POU3F3: variants seen among roughly 807,000 people sequenced by gnomAD.
The protein encoded by POU3F3 is POU class 3 homeobox 3, also known as POU domain, class 3, transcription factor 3.
POU3F3 carries 1 observed loss-of-function variant against 8.6 expected under a neutral mutation model. The observed-to-expected ratio is 0.12, with a 90% CI of 0.04 to 0.55. The LOEUF is 0.55. POU3F3 is among the 20% of genes least tolerant of loss of function. The pLI is 0.91. For synonymous variants in POU3F3, 418 were observed against 327.4 expected (o/e 1.28, Z -2.99); for missense variants, 577 against 690.7 (o/e 0.84, Z 1.84).
the POU3F3 span, among the ~76,000 whole-genome samples, chr2:104,886,944 A>G: frequency 6.6e-6 from 1 of 152,170 alleles, no homozygotes; most frequent in Non-Finnish European, 1.5e-5. Flanking sequence ...AAATTTTAAA[A>G]AAAGAAAGCA....
the POU3F3 span, among the ~76,000 whole-genome samples, chr2:104,877,660 C>CTTTTTT: frequency 7.2e-6 from 1 of 138,836 alleles, no homozygotes; most frequent in Admixed American, 7.2e-5. Flanking sequence ...TTCTTTTTTT[C>CTTTTTT]TTTTTTTTTT....
At chr2:104,905,616 T>C in the POU3F3 span, among the ~76,000 whole-genome samples, 1 of 152,234 alleles carries the variant, frequency 6.6e-6, no homozygotes, top group African/African-American at 2.4e-5. Flanking sequence ...GGCAGGGTCA[T>C]GCCTCTGAGG....
In POU3F3 at chr2:104,856,338, C is replaced by CCACGCGCATCCTCACCCGCCG; in HGVS notation, c.832_852dup (p.Ala278_His284dup). ...CCGAGCACCACCACCACCACCACCA[C>CCACGCGCATCCTCACCCGCCG]CACGCGCATCCTCACCCGCCGCACC... On this transcript the variant is annotated inframe_insertion, in exon 1 of 1. Transcript: ENST00000361360. 1 of 1,511,422 alleles carries CCACGCGCATCCTCACCCGCCG rather than the reference C, an allele frequency of 6.6e-7. No individual in the cohort carries two copies. Among genetic ancestry groups the CCACGCGCATCCTCACCCGCCG allele is most frequent in the African/African-American group, 1.4e-5 (1 of 72,228 alleles). The allele number at this position is 1,511,422 out of a possible 1,614,324, so 93.6% of individuals were successfully genotyped here.
the POU3F3 span, among the ~76,000 whole-genome samples, chr2:104,924,476 GC>G: frequency 1.3e-5 from 2 of 152,166 alleles, no homozygotes; most frequent in Non-Finnish European, 2.9e-5. Flanking sequence ...CCCCCAACCA[GC>G]CCTCCCTTGG....
the POU3F3 span, among the ~76,000 whole-genome samples, chr2:104,911,283 A>C: frequency 6.6e-6 from 1 of 151,890 alleles, no homozygotes; most frequent in Non-Finnish European, 1.5e-5. Context: ...GTGTGGTGGC[A>C]GGCACCTGTA....
the POU3F3 span, among the ~76,000 whole-genome samples, chr2:104,884,802 G>T: frequency 6.6e-6 from 1 of 152,074 alleles, no homozygotes; most frequent in Non-Finnish European, 1.5e-5. Flanking sequence ...CTTAGTGATC[G>T]TCTTATTGGG....
the POU3F3 span, among the ~76,000 whole-genome samples, chr2:104,916,293 A>G: frequency 2.0e-5 from 3 of 152,154 alleles, no homozygotes; most frequent in South Asian, 2.1e-4. Flanking sequence ...TGTGCCAAAC[A>G]TTAGGATAGT....
the POU3F3 span, among the ~76,000 whole-genome samples, chr2:104,915,417 C>G: frequency 6.6e-6 from 1 of 152,152 alleles, no homozygotes; most frequent in Non-Finnish European, 1.5e-5. Context: ...TGCCCCGCAA[C>G]CCTTTGTTAC....
At chr2:104,869,582 G>A in the POU3F3 span, among the ~76,000 whole-genome samples, 2 of 152,210 alleles carry the variant, frequency 1.3e-5, no homozygotes, top group Non-Finnish European at 2.9e-5. Flanking sequence ...TGCACTTTGG[G>A]AGAGCTCTGG....
At chr2:104,863,490 C>T (rs796803740), downstream of POU3F3, among the ~76,000 whole-genome samples, 4 of 152,184 alleles carry the variant, frequency 2.6e-5, no homozygotes, top group African/African-American at 9.6e-5. Context: ...GGTGCAGCCT[C>T]CTCCCAGGAG....
the POU3F3 span, among the ~76,000 whole-genome samples, chr2:104,908,110 G>A: frequency 6.6e-6 from 1 of 152,200 alleles, no homozygotes; most frequent in Admixed American, 6.5e-5. Context: ...TGCATGAATA[G>A]ATTTCTTAAT....
the POU3F3 span, among the ~76,000 whole-genome samples, chr2:104,898,218 C>T: frequency 6.6e-6 from 1 of 152,200 alleles, no homozygotes; most frequent in Non-Finnish European, 1.5e-5. Context: ...GAAGGAGCAC[C>T]TCACCAGGTC....
chr2:104,870,454 C>T, the POU3F3 span, among the ~76,000 whole-genome samples: 4 of 152,198 alleles, frequency 2.6e-5, no homozygotes, highest in South Asian at 2.1e-4. Flanking sequence ...CATACCAGCC[C>T]GGTAAACACA....
the POU3F3 span, among the ~76,000 whole-genome samples, chr2:104,926,647 G>C: frequency 1.3e-5 from 2 of 152,272 alleles, no homozygotes; most frequent in Non-Finnish European, 2.9e-5. Flanking sequence ...ACATGCAAAT[G>C]TATGTTTATT....
chr2:104,876,687 G>C, the POU3F3 span, among the ~76,000 whole-genome samples: 1 of 152,172 alleles, frequency 6.6e-6, no homozygotes. Flanking sequence ...TGTGGAGACG[G>C]GGTCGTGGCT....
Position 104,855,840 on chromosome 2 carries a change from TGCCGCC to T in POU3F3, c.341_346del (p.Ala114_Ala115del), listed in dbSNP as rs781161822. The stretch of plus-strand genomic sequence containing the variant: ...CCCACGCCGCCGCCGCCGCCGCCGC[TGCCGCC>T]GCCGCCGCCGTGGAGGCGAGCTCGC... On this transcript the variant is annotated inframe_deletion, in exon 1 of 1. Coordinates refer to ENST00000361360, the MANE Select transcript of POU3F3 (RefSeq NM_006236.3). 16 of 1,074,966 alleles carry T rather than the reference TGCCGCC, an allele frequency of 1.5e-5. 1 individual carries two copies. Among genetic ancestry groups the T allele is most frequent in the South Asian group, 3.0e-5 (1 of 33,862 alleles). The allele number at this position is 1,074,966 out of a possible 1,614,324, so 66.6% of individuals were successfully genotyped here. A position where few individuals can be genotyped will look rare whatever the true frequency, so the allele number is the denominator to read the frequency against.
At chr2:104,888,357 A>G in the POU3F3 span, among the ~76,000 whole-genome samples, 4 of 152,196 alleles carry the variant, frequency 2.6e-5, no homozygotes, top group Admixed American at 2.0e-4. Context: ...CTGTGTGGTG[A>G]GATGAAAACA....
chr2:104,874,263 C>T, the POU3F3 span, among the ~76,000 whole-genome samples: 1 of 152,128 alleles, frequency 6.6e-6, no homozygotes, highest in South Asian at 2.1e-4. Context: ...CCAGGAGAGA[C>T]CTCTGGAGAG....
the POU3F3 span, among the ~76,000 whole-genome samples, chr2:104,878,277 T>G: frequency 6.6e-6 from 1 of 152,140 alleles, no homozygotes; most frequent in Non-Finnish European, 1.5e-5. Context: ...GAGACTGAAT[T>G]CAATTGTAGG....
Sources: gnomAD v4.1 joint callset for allele counts (sites outside exome capture counted in the v4.1 genomes callset) on GRCh38, gnomAD v4.1.1 for gene constraint, MANE v1.5 for transcripts, NCBI Gene and HGNC (gene_info 2026-07-23, HGNC 2026-07-21) for gene names.